The following PPP2R2A variants were observed in gnomAD, a reference collection of about 807,000 sequenced individuals.
PPP2R2A encodes serine/threonine-protein phosphatase 2A 55 kDa regulatory subunit B alpha isoform.
In PPP2R2A, 9 loss-of-function variants were observed where a neutral mutation model predicts 53.2. That is an observed-to-expected ratio of 0.17 (90% CI 0.10 to 0.30). PPP2R2A has a LOEUF of 0.30. Among genes scored for constraint, PPP2R2A ranks in the 10% least tolerant of loss-of-function variants. The pLI is 1.00. For missense variants in PPP2R2A, 235 were observed against 534.6 expected (o/e 0.44, Z 5.53); for synonymous variants, 169 against 174.2 (o/e 0.97, Z 0.23).
At chr8:26,355,150 A>G (rs972119214) in intron 4 of PPP2R2A, among the ~76,000 whole-genome samples, 1 of 152,212 alleles carries the variant, frequency 6.6e-6, no homozygotes, top group African/African-American at 2.4e-5. Context: ...CCATTCCAGG[A>G]TACGCTATAG....
chr8:26,320,633 T>G (rs1295490021), intron 2 of PPP2R2A, among the ~76,000 whole-genome samples: 2 of 152,252 alleles, frequency 1.3e-5, no homozygotes, highest in Non-Finnish European at 2.9e-5. Context: ...TAGTTCATAC[T>G]GCTGAGCAGC....
At chr8:26,300,687 C>G (rs1023793341) in intron 2 of PPP2R2A, among the ~76,000 whole-genome samples, 1 of 152,108 alleles carries the variant, frequency 6.6e-6, no homozygotes, top group Non-Finnish European at 1.5e-5. Context: ...AACACTGTCT[C>G]TACTAAAAAT....
chr8:26,368,119 G>A (rs1228351376), intron 9 of PPP2R2A, among the ~76,000 whole-genome samples: 2 of 152,198 alleles, frequency 1.3e-5, no homozygotes, highest in Non-Finnish European at 2.9e-5. Flanking sequence ...TTAAAACCAC[G>A]CAAACTCAGA....
At chr8:26,335,240 TA>T (rs1241424812) in intron 2 of PPP2R2A, among the ~76,000 whole-genome samples, 1 of 152,216 alleles carries the variant, frequency 6.6e-6, no homozygotes, top group Non-Finnish European at 1.5e-5. Context: ...TCATCATTTT[TA>T]TATGTCATAT....
chr8:26,316,004 T>C (rs111604044), intron 2 of PPP2R2A, among the ~76,000 whole-genome samples: 34 of 152,322 alleles, frequency 2.2e-4, no homozygotes, highest in African/African-American at 7.7e-4. Context: ...AATTCTGATA[T>C]TGTGTACTTC....
intron 2 of PPP2R2A, among the ~76,000 whole-genome samples, chr8:26,309,069 C>T (rs1039293346): frequency 2.6e-5 from 4 of 152,106 alleles, no homozygotes; most frequent in Admixed American, 2.6e-4. Flanking sequence ...ATGTGTTGTC[C>T]AGGCTGGGCT....
intron 2 of PPP2R2A, among the ~76,000 whole-genome samples, chr8:26,323,301 A>G (rs1381851100): frequency 1.3e-5 from 2 of 152,204 alleles, no homozygotes; most frequent in Non-Finnish European, 2.9e-5. Flanking sequence ...CTGATAACAT[A>G]TATTCATCTG....
chr8:26,291,698 C>G lies in PPP2R2A; in HGVS notation c.-122C>G. The G allele has an allele frequency of 1.5e-6, 1 of 674,642 alleles. No homozygotes were observed. The highest frequency in any genetic ancestry group is 3.0e-5 in the Admixed American group (1 of 33,436). 41.8% of individuals were successfully genotyped at this position (674,642 alleles called of 1,614,324 possible). On this transcript the variant is annotated 5_prime_UTR_variant, in exon 1 of 10. Coordinates refer to ENST00000380737, the MANE Select transcript of PPP2R2A (RefSeq NM_002717.4). ...CTTTTCCCCCCGGCCCCCGTCCCCT[C>G]CCCCCGCAGGTGCCATCCGCCGCCA...
At chr8:26,315,531 A>C (rs1802508950) in intron 2 of PPP2R2A, among the ~76,000 whole-genome samples, 1 of 152,168 alleles carries the variant, frequency 6.6e-6, no homozygotes, top group African/African-American at 2.4e-5. Context: ...GGTCAGGTTC[A>C]GTTTCTCCAG....
Position 26,320,552 on chromosome 8 carries a change from G to C in PPP2R2A, c.83-18338G>C, listed in dbSNP as rs920797662. On this transcript the variant is annotated intron_variant, in intron 2 of 9. Transcript: ENST00000380737. ...TATTATGTATATTCCACAGTGCCAG[G>C]TGCCCACTGCTGGGCATGCAGTTGT... Among the ~76,000 whole-genome samples the C allele has an allele frequency of 1.1e-4, 16 of 152,218 alleles. No homozygotes were observed. In the East Asian group the frequency reaches 3.1e-3, roughly 29 times the overall value.
At chr8:26,304,292 C>G (rs1426804637) in intron 2 of PPP2R2A, among the ~76,000 whole-genome samples, 2 of 142,972 alleles carry the variant, frequency 1.4e-5, no homozygotes, top group Non-Finnish European at 3.1e-5. Flanking sequence ...TTTTTTTTTT[C>G]CTTTATTAAA....
At chr8:26,306,546 C>G (rs1000469139) in intron 2 of PPP2R2A, among the ~76,000 whole-genome samples, 2 of 151,056 alleles carry the variant, frequency 1.3e-5, no homozygotes, top group African/African-American at 4.9e-5. Context: ...TTTTACAGCA[C>G]TGTACTTCTG....
At chr8:26,299,366 T>C (rs1277323886) in intron 2 of PPP2R2A, among the ~76,000 whole-genome samples, 1 of 152,228 alleles carries the variant, frequency 6.6e-6, no homozygotes, top group Non-Finnish European at 1.5e-5. Context: ...TGTTATTAAA[T>C]ATTTAATAAT....
At chr8:26,298,532 GTGCTTAAATTGTTA>G (rs1014382959) in intron 2 of PPP2R2A, 37 of 152,250 alleles carry the variant, frequency 2.4e-4, no homozygotes, top group African/African-American at 8.7e-4. Context: ...TTGGACGTCA[GTGCTTAAATTGTTA>G]TGACCACGCA....
chr8:26,363,005 C>T, intron 7 of PPP2R2A, 157 bp downstream of exon 7: 1 of 630,738 alleles, frequency 1.6e-6, no homozygotes, highest in South Asian at 2.1e-5. Flanking sequence ...CCTCATGAGG[C>T]ATTCCAGGTT....
Position 26,362,887 on chromosome 8 carries a change from T to A in PPP2R2A, c.802+39T>A. The A allele has an allele frequency of 6.4e-7, 1 of 1,572,656 alleles. No individual in the cohort carries two copies. The highest frequency in any genetic ancestry group is 1.7e-5 in the Admixed American group (1 of 58,392). ...ATCTTTCCTTAAAATGATTACATAT[T>A]CTGTTTGTCTGAAATAAGCCTCAGA... On this transcript the variant is annotated intron_variant, in intron 7 of 9. Transcript: ENST00000380737. This position sits in a 1 kb window ranked among gnomAD's most constrained non-coding sequence, Gnocchi z 4.4.
At chr8:26,333,080 T>C (rs1441885672) in intron 2 of PPP2R2A, among the ~76,000 whole-genome samples, 1 of 152,236 alleles carries the variant, frequency 6.6e-6, no homozygotes, top group African/African-American at 2.4e-5. Context: ...TTTGGCACAT[T>C]TTGGTTGTAA....
chr8:26,358,851 A>G (rs973211399), intron 4 of PPP2R2A: 1 of 445,132 alleles, frequency 2.2e-6, no homozygotes, highest in African/African-American at 2.0e-5. Flanking sequence ...AATTCTAAAT[A>G]AGACGTGGAT....
At position 26,325,048 on chromosome 8, in the gene PPP2R2A, T is replaced by A. The variant is rs78871548; in HGVS notation, c.83-13842T>A. Among the ~76,000 whole-genome samples the A allele has an allele frequency of 4.7e-3, 701 of 150,410 alleles. 4 individuals are homozygous for A. Among genetic ancestry groups the A allele is most frequent in the African/African-American group, 0.016 (668 of 40,778 alleles). Reference sequence around the variant, plus strand: ...GATGCAACTTTGTACTGTGGACTTTTGAGTTAATGCTGAAATGAGTTAAGA... The same window carrying A: ...GATGCAACTTTGTACTGTGGACTTTAGAGTTAATGCTGAAATGAGTTAAGA... On this transcript the variant is annotated intron_variant, in intron 2 of 9. Transcript: ENST00000380737.
Sources: allele counts gnomAD v4.1 joint callset (sites outside exome capture counted in the v4.1 genomes callset), GRCh38; gene constraint gnomAD v4.1.1; non-coding constraint Gnocchi (gnomAD v3.1); transcripts MANE v1.5; gene names NCBI Gene and HGNC (gene_info 2026-07-23, HGNC 2026-07-21).